USP48: variants seen among roughly 807,000 people sequenced by gnomAD.
The protein encoded by USP48 is ubiquitin specific peptidase 48.
USP48 carries 43 observed loss-of-function variants against 150.7 expected under a neutral mutation model. That is an observed-to-expected ratio of 0.29 (90% CI 0.22 to 0.37). The LOEUF (loss-of-function observed/expected upper bound fraction) is 0.37, where lower values mean the gene tolerates loss of function less well. Ranked by LOEUF, USP48 falls within the 10% of genes least tolerant of loss-of-function variation. The pLI is 1.00. For missense variants in USP48, 813 were observed against 1,249.6 expected (o/e 0.65, Z 5.27); for synonymous variants, 396 against 425.9 (o/e 0.93, Z 0.86).
chr1:21,703,684 T>C (rs2097663974), intron 20 of USP48, 66 bp from the exon 21 acceptor site: 3 of 1,202,550 alleles, frequency 2.5e-6, no homozygotes, highest in Middle Eastern at 1.9e-4. Flanking sequence ...GAATCAAAGA[T>C]CTAAAAACAT....
In USP48 at chr1:21,705,830, T is replaced by A. The variant is rs769544762; in HGVS notation, c.2281A>T (p.Thr761Ser). The A allele has an allele frequency of 1.3e-6, 2 of 1,598,260 alleles. No homozygotes were observed. The highest frequency in any genetic ancestry group is 1.2e-5 in the South Asian group (1 of 86,574). ...ACTGATGACACAGGGCTGCATCTTGTAGGCTTTCTACTCAAATGAGACAAG... is the reference window on the plus strand; with the variant it reads ...ACTGATGACACAGGGCTGCATCTTGAAGGCTTTCTACTCAAATGAGACAAG... ...EEWRKFVRKP[T>S]RCSPVSSVGN... Residue 761 changes from threonine (T) to serine (S), a missense_variant, in exon 19 of 27, where the codon ACA becomes TCA. By Grantham distance (58) the Thr-to-Ser change is moderately conservative (BLOSUM62 1). Coordinates refer to ENST00000308271, the MANE Select transcript of USP48 (RefSeq NM_032236.8).
At chr1:21,706,677 A>G (rs1241940577) in intron 16 of USP48, 67 bp downstream of exon 16, 1 of 1,611,172 alleles carries the variant, frequency 6.2e-7, no homozygotes, top group East Asian at 2.2e-5. Flanking sequence ...TACAGTGTTA[A>G]TTCCCCTGGG....
At position 21,783,024 on chromosome 1, in the gene USP48, C is replaced by T; in HGVS notation, c.-67G>A. Reference sequence around the variant, plus strand: ...GCCGCCGCCGCGGTCTGCACCGCCGCCCCAATGGGCTTCGCCACCTGCCAG... The same window carrying T: ...GCCGCCGCCGCGGTCTGCACCGCCGTCCCAATGGGCTTCGCCACCTGCCAG... On this transcript the variant is annotated 5_prime_UTR_variant, in exon 1 of 27. Coordinates refer to ENST00000308271, the MANE Select transcript of USP48 (RefSeq NM_032236.8). 2 of 1,428,570 alleles carry T rather than the reference C, an allele frequency of 1.4e-6. No homozygotes were observed. Among genetic ancestry groups the T allele is most frequent in the Non-Finnish European group, 1.8e-6 (2 of 1,101,984 alleles). The allele number at this position is 1,428,570 out of a possible 1,614,324, so 88.5% of individuals were successfully genotyped here.
intron 9 of USP48, chr1:21,732,654 A>G (rs112988053): frequency 7.9e-5 from 28 of 354,008 alleles, no homozygotes; most frequent in African/African-American, 3.3e-4. Flanking sequence ...TACAGTCACA[A>G]AAAACTTACT....
Position 21,757,795 on chromosome 1 carries a change from A to G in USP48, c.135-12T>C. 6.4e-7 allele frequency: 1 copy of G among 1,572,888 alleles called. No homozygotes were observed. Among genetic ancestry groups the G allele is most frequent in the Non-Finnish European group, 8.6e-7 (1 of 1,167,554 alleles). ...CTTTGCAGTTTCGTCTAAGGGGAAA[A>G]AAAAAACCTTTAATTTTTAAAAGAC... On this transcript the variant is annotated splice_polypyrimidine_tract_variant and intron_variant, in intron 1 of 26. Coordinates refer to ENST00000308271, the MANE Select transcript of USP48 (RefSeq NM_032236.8).
At chr1:21,736,417 A>G in intron 9 of USP48, 29 bp downstream of exon 9, 2 of 1,560,872 alleles carry the variant, frequency 1.3e-6, no homozygotes, top group Non-Finnish European at 1.7e-6. Context: ...TTATATTTTA[A>G]AAGGGCACTC....
chr1:21,707,849 G>A (rs1428757723), intron 15 of USP48, among the ~76,000 whole-genome samples: 2 of 152,152 alleles, frequency 1.3e-5, no homozygotes, highest in Admixed American at 6.6e-5. Context: ...CAGCTAGTGA[G>A]TAATAAAGCT....
chr1:21,690,020 G>C lies in USP48; in HGVS notation c.2963C>G (p.Thr988Ser). 1 of 1,614,136 alleles carries C rather than the reference G, an allele frequency of 6.2e-7. No homozygotes were observed. The highest frequency in any genetic ancestry group is 1.1e-5 in the South Asian group (1 of 91,076). The change falls in exon 24 of 27, where the codon ACC (threonine) becomes AGC (serine). Residue 988 changes from threonine to serine, a missense_variant. Thr to Ser is a moderately conservative substitution (Grantham distance 58). Transcript: ENST00000308271. ...DGKILSDDCA[T>S]LGTLGVIPES... is the part of the protein sequence containing the mutation. ...AGGAATGACGCCAAGGGTGCCTAGG[G>C]TGGCACAGTCATCACTTAAAATCTT...
At chr1:21,776,299 G>A (rs2097898142) in intron 1 of USP48, among the ~76,000 whole-genome samples, 1 of 152,106 alleles carries the variant, frequency 6.6e-6, no homozygotes, top group South Asian at 2.1e-4. Context: ...AAACAGTCCT[G>A]ACACATGTGG....
At chr1:21,705,212 A>G (rs2097668767) in intron 19 of USP48, among the ~76,000 whole-genome samples, 1 of 152,174 alleles carries the variant, frequency 6.6e-6, no homozygotes, top group African/African-American at 2.4e-5. Flanking sequence ...ACCTTCTCGT[A>G]TATCACGATT....
At chr1:21,771,087 C>G (rs554074200) in intron 1 of USP48, among the ~76,000 whole-genome samples, 37 of 152,240 alleles carry the variant, frequency 2.4e-4, no homozygotes, top group African/African-American at 8.7e-4. Flanking sequence ...GATCGTGGCA[C>G]TGCACTCCAG....
chr1:21,752,418 C>G, intron 5 of USP48, 109 bp downstream of exon 5: 1 of 1,298,064 alleles, frequency 7.7e-7, no homozygotes, highest in South Asian at 1.4e-5. Flanking sequence ...ATTTCAGGTC[C>G]CATGATAAAC....
At chr1:21,742,561 A>C (rs557499778) in intron 8 of USP48, among the ~76,000 whole-genome samples, 1 of 148,878 alleles carries the variant, frequency 6.7e-6, no homozygotes, top group East Asian at 1.9e-4. Context: ...AAAAGAAAAG[A>C]AAAGAAAAAG....
At chr1:21,754,245 A>G (rs2097825443) in intron 3 of USP48, among the ~76,000 whole-genome samples, 3 of 152,166 alleles carry the variant, frequency 2.0e-5, no homozygotes, top group Admixed American at 6.5e-5. Flanking sequence ...TACACTCCCC[A>G]AAGGCAAGAG....
chr1:21,683,106 CAA>C (rs1461996858), intron 25 of USP48, among the ~76,000 whole-genome samples: 1 of 152,078 alleles, frequency 6.6e-6, no homozygotes, highest in Non-Finnish European at 1.5e-5. Context: ...ACCAAAAATA[CAA>C]AAGTTAGCCA....
intron 1 of USP48, among the ~76,000 whole-genome samples, chr1:21,769,408 G>A (rs2097872609): frequency 6.6e-6 from 1 of 151,556 alleles, no homozygotes; most frequent in Non-Finnish European, 1.5e-5. Context: ...AGGAGGGAGG[G>A]GAGCAGAAAC....
At chr1:21,738,610 G>A (rs928429985) in intron 8 of USP48, among the ~76,000 whole-genome samples, 19 of 151,326 alleles carry the variant, frequency 1.3e-4, no homozygotes, top group African/African-American at 3.4e-4. Flanking sequence ...CATCTGCCTC[G>A]GCCTCCCAAA....
chr1:21,759,868 G>A (rs978110886), intron 1 of USP48, among the ~76,000 whole-genome samples: 1 of 152,250 alleles, frequency 6.6e-6, no homozygotes, highest in Non-Finnish European at 1.5e-5. Flanking sequence ...GGATCATCAC[G>A]GATGCTAACG....
intron 8 of USP48, among the ~76,000 whole-genome samples, chr1:21,742,484 C>A (rs1004432012): frequency 6.7e-6 from 1 of 149,030 alleles, no homozygotes; most frequent in Admixed American, 6.8e-5. Flanking sequence ...GCGGAGGTTG[C>A]GGTGAGCCAA....
Sources: gnomAD v4.1 joint callset for allele counts (sites outside exome capture counted in the v4.1 genomes callset) on GRCh38, gnomAD v4.1.1 for gene constraint, MANE v1.5 for transcripts, NCBI Gene and HGNC (gene_info 2026-07-23, HGNC 2026-07-21) for gene names.